The following CECR2 variants were observed in gnomAD, a reference collection of about 807,000 sequenced individuals.
CECR2 encodes the protein CECR2 histone acetyl-lysine reader, also known as chromatin remodeling regulator CECR2.
In CECR2, 30 loss-of-function variants were observed where a neutral mutation model predicts 154.5. The observed-to-expected ratio is 0.19, with a 90% confidence interval of 0.15 to 0.26. The LOEUF is 0.26. CECR2 is among the 10% of genes least tolerant of loss of function. The pLI, the probability that CECR2 is intolerant of heterozygous loss-of-function variation, is 1.00. For missense variants in CECR2, 1,743 were observed against 1,829.3 expected (o/e 0.95, Z 0.86); for synonymous variants, 725 against 683.7 (o/e 1.06, Z -0.94).
chr22:17,428,798 T>TTTTGTGTGTGTGTGTG (rs367634017), intron 1 of CECR2, among the ~76,000 whole-genome samples: 7 of 136,336 alleles, frequency 5.1e-5, no homozygotes, highest in African/African-American at 1.7e-4. Context: ...ATGTTTTTAT[T>TTTTGTGTGTGTGTGTG]TGTGTGTGTG....
chr22:17,375,321 GTCAGGCTGGCCTCGAACTCCCGACC>G (rs1296782194), intron 1 of CECR2, among the ~76,000 whole-genome samples: 1 of 151,632 alleles, frequency 6.6e-6, no homozygotes, highest in Non-Finnish European at 1.5e-5. Context: ...CTCGATGTTG[GTCAGGCTGGCCTCGAACTCCCGACC>G]TCAGGTGATC....
intron 1 of CECR2, among the ~76,000 whole-genome samples, chr22:17,463,229 G>A (rs528112924): frequency 6.6e-6 from 1 of 152,166 alleles, no homozygotes; most frequent in Non-Finnish European, 1.5e-5. Flanking sequence ...TCAAGGATGA[G>A]AGTAGTGAGA....
At chr22:17,503,957 G>A (rs2055785868) in intron 6 of CECR2, among the ~76,000 whole-genome samples, 2 of 152,088 alleles carry the variant, frequency 1.3e-5, no homozygotes, top group Admixed American at 6.6e-5. Flanking sequence ...TGAGGCAGGA[G>A]AATCACTTGA....
intron 1 of CECR2, among the ~76,000 whole-genome samples, chr22:17,465,271 C>G (rs1293751028): frequency 1.3e-5 from 2 of 152,034 alleles, no homozygotes; most frequent in Non-Finnish European, 2.9e-5. Context: ...GCCGGGATTA[C>G]AGGTGTGAGC....
In CECR2 at chr22:17,404,364, CTTTCTTTTTTT is replaced by C. The variant is rs1381522352; in HGVS notation, c.126+34459_126+34469del. ...TGTGGGTTCATTTCTGGACCCTGTT[CTTTCTTTTTTT>C]TTTTTTTTTTTTTTTTGAGACGGAG... On this transcript the variant is annotated intron_variant, in intron 1 of 18. Coordinates refer to ENST00000262608, the MANE Select transcript of CECR2 (RefSeq NM_001290047.2). 2.7e-4 allele frequency among the ~76,000 whole-genome samples: 16 copies of C among 59,626 alleles called. 1 individual carries two copies. The highest frequency in any genetic ancestry group is 1.9e-4 in the Non-Finnish European group (6 of 31,430). The allele number at this position is 59,626 out of a possible 152,430, so 39.1% of individuals were successfully genotyped here.
intron 1 of CECR2, among the ~76,000 whole-genome samples, chr22:17,428,929 G>T (rs928770043): frequency 6.6e-6 from 1 of 152,028 alleles, no homozygotes; most frequent in Non-Finnish European, 1.5e-5. Context: ...TAGGAGAACA[G>T]GAGAGGGGTT....
At chr22:17,546,485 CAAAAAAA>C (rs35754406) in intron 16 of CECR2, among the ~76,000 whole-genome samples, 1 of 67,656 alleles carries the variant, frequency 1.5e-5, no homozygotes, top group African/African-American at 5.2e-5. Context: ...GACTCTGTCT[CAAAAAAA>C]AAAAAAAAAA....
At chr22:17,364,759 A>C (rs897820026), upstream of CECR2, among the ~76,000 whole-genome samples, 1 of 152,122 alleles carries the variant, frequency 6.6e-6, no homozygotes, top group Non-Finnish European at 1.5e-5. Flanking sequence ...CGCAGAAGGC[A>C]GAGGTTGCAG....
chr22:17,377,426 C>A (rs1227463000), intron 1 of CECR2, among the ~76,000 whole-genome samples: 1 of 151,054 alleles, frequency 6.6e-6, no homozygotes, highest in African/African-American at 2.4e-5. Flanking sequence ...GTGATTCTTA[C>A]TTCATTTTTT....
intron 1 of CECR2, among the ~76,000 whole-genome samples, chr22:17,474,014 G>T (rs999586553): frequency 2.0e-5 from 3 of 152,166 alleles, no homozygotes; most frequent in African/African-American, 7.2e-5. Context: ...ACCAGGGCTT[G>T]TATTTACTGT....
At chr22:17,532,578 A>G (rs2056372654) in intron 9 of CECR2, among the ~76,000 whole-genome samples, 1 of 150,916 alleles carries the variant, frequency 6.6e-6, no homozygotes, top group East Asian at 1.9e-4. Context: ...TAGTGTCTAC[A>G]ACGAAAAATA....
chr22:17,548,027 T>C (rs2056640431), intron 16 of CECR2, 121 bp from the exon 17 acceptor site: 2 of 927,944 alleles, frequency 2.2e-6, no homozygotes, highest in Non-Finnish European at 3.1e-6. Context: ...TCAAACAATT[T>C]CCAGGTGGGG....
intron 1 of CECR2, among the ~76,000 whole-genome samples, chr22:17,454,976 C>T (rs1204293972): frequency 6.6e-6 from 1 of 152,222 alleles, no homozygotes; most frequent in Non-Finnish European, 1.5e-5. Context: ...TAACCTGACA[C>T]GTCCACCCTA....
Position 17,553,602 on chromosome 22 carries a change from G to C in CECR2, c.*762G>C, listed in dbSNP as rs543952829. 1.3e-5 allele frequency: 2 copies of C among 152,132 alleles called. No individual in the cohort carries two copies. The highest frequency in any genetic ancestry group is 6.6e-5 in the Admixed American group (1 of 15,260). 9.4% of individuals were successfully genotyped at this position (152,132 alleles called of 1,614,324 possible). ...AGAACACCTGTCCCCTAAGCACCTG[G>C]TGTCTCCATTGGAGGCAGACTGCTC... On this transcript the variant is annotated 3_prime_UTR_variant, in exon 19 of 19. Transcript: ENST00000262608.
At chr22:17,435,684 T>TAAAAAAAAA (rs10694414) in intron 1 of CECR2, among the ~76,000 whole-genome samples, 1 of 90,928 alleles carries the variant, frequency 1.1e-5, no homozygotes, top group African/African-American at 4.0e-5. Flanking sequence ...TTTTAATTCT[T>TAAAAAAAAA]AAAAAAAAAA....
chr22:17,430,360 C>G (rs1332287012), intron 1 of CECR2, among the ~76,000 whole-genome samples: 2 of 152,190 alleles, frequency 1.3e-5, no homozygotes, highest in Non-Finnish European at 2.9e-5. Context: ...CACCCTCCCT[C>G]TCTTCCCACA....
intron 1 of CECR2, among the ~76,000 whole-genome samples, chr22:17,375,909 C>T (rs930406718): frequency 2.0e-5 from 3 of 151,040 alleles, no homozygotes; most frequent in Admixed American, 2.0e-4. Context: ...GAGCTGAGAT[C>T]GCGCCATTGC....
chr22:17,419,504 AGAG>A (rs1314163286), intron 1 of CECR2: 7 of 162,588 alleles, frequency 4.3e-5, no homozygotes, highest in South Asian at 1.3e-4. Context: ...AGGAAGAGGA[AGAG>A]GAGGAAGAAG....
chr22:17,406,031 T>C (rs2053979107), intron 1 of CECR2, among the ~76,000 whole-genome samples: 1 of 152,190 alleles, frequency 6.6e-6, no homozygotes, highest in Non-Finnish European at 1.5e-5. Flanking sequence ...AGTGTATTAG[T>C]TATTAGAAGT....
Sources: gnomAD v4.1 joint callset for allele counts (sites outside exome capture counted in the v4.1 genomes callset) on GRCh38, gnomAD v4.1.1 for gene constraint, MANE v1.5 for transcripts, NCBI Gene and HGNC (gene_info 2026-07-23, HGNC 2026-07-21) for gene names.